PTRH1: variants seen among roughly 807,000 people sequenced by gnomAD.
PTRH1 encodes the protein peptidyl-tRNA hydrolase 1 homolog.
Under a neutral mutation model 15.7 loss-of-function variants are expected in PTRH1, and 13 were observed. The ratio of observed to expected loss-of-function variants is 0.83; its 90% confidence interval spans 0.54 to 1.31. The LOEUF is 1.31. Among genes scored for constraint, PTRH1 ranks in the 40% most tolerant of loss-of-function variants. The pLI is 0.00. For synonymous variants in PTRH1, 139 were observed against 136.7 expected (o/e 1.02, Z -0.12); for missense variants, 319 against 296.2 (o/e 1.08, Z -0.56).
chr9:127,714,431 G>C lies in PTRH1; in HGVS notation c.417-7C>G. On this transcript the variant is annotated splice_region_variant and splice_polypyrimidine_tract_variant and intron_variant, in intron 3 of 4. Transcript: ENST00000543175. ...ACGGACTCCATTGTGGCCCCTTCAA[G>C]GGATATGGGAGGGGCAGTTAGTGCC... 2 of 1,614,112 alleles carry C rather than the reference G, an allele frequency of 1.2e-6. No individual in the cohort carries two copies. Among genetic ancestry groups the C allele is most frequent in the African/African-American group, 1.3e-5 (1 of 75,046 alleles).
intron 1 of PTRH1, among the ~76,000 whole-genome samples, chr9:127,703,996 C>T (rs1383334015): frequency 1.3e-5 from 2 of 152,088 alleles, no homozygotes; most frequent in Non-Finnish European, 2.9e-5. Context: ...CCTTCCCCTC[C>T]CAGGGCGAAA....
At chr9:127,710,858 G>C, downstream of PTRH1, 1 of 1,311,436 alleles carries the variant, frequency 7.6e-7, no homozygotes. Flanking sequence ...GTTAGATGGG[G>C]AAACTGACCG....
chr9:127,701,922 A>C (rs1006534571), intron 1 of PTRH1, among the ~76,000 whole-genome samples: 6 of 151,682 alleles, frequency 4.0e-5, no homozygotes, highest in African/African-American at 1.5e-4. Context: ...CTCAAAAAAA[A>C]AAAAAATTGG....
In PTRH1 at chr9:127,715,278, G is replaced by A; in HGVS notation, c.97-84C>T. On this transcript the variant is annotated intron_variant, in intron 1 of 4. Coordinates refer to ENST00000543175, the MANE Select transcript of PTRH1 (RefSeq NM_001002913.3). This position sits in a 1 kb window ranked among gnomAD's most constrained non-coding sequence, Gnocchi z 5.8. ...GCGTCCCGTGGGCCCCAACGCAGAG[G>A]AGCGGAAACGCAGAGCAACGCTGCA... 7.0e-7 allele frequency: 1 copy of A among 1,437,638 alleles called. No homozygotes were observed. Among genetic ancestry groups the A allele is most frequent in the Non-Finnish European group, 9.5e-7 (1 of 1,057,080 alleles). 89.1% of individuals were successfully genotyped at this position (1,437,638 alleles called of 1,614,324 possible).
At chr9:127,704,071 T>G (rs1292205288) in intron 1 of PTRH1, among the ~76,000 whole-genome samples, 1 of 152,176 alleles carries the variant, frequency 6.6e-6, no homozygotes, top group Non-Finnish European at 1.5e-5. Context: ...GCCTAGAGCA[T>G]AACACCCCAG....
At chr9:127,695,489 C>T (rs978387666) in intron 1 of PTRH1, 1 of 224,368 alleles carries the variant, frequency 4.5e-6, no homozygotes, top group Non-Finnish European at 8.6e-6. Flanking sequence ...CTGCATCTGC[C>T]GCCCAGAAGG....
intron 2 of PTRH1, 78 bp downstream of exon 2, chr9:127,714,897 C>T (rs1238918479): frequency 1.9e-6 from 2 of 1,043,140 alleles, no homozygotes; most frequent in African/African-American, 3.2e-5. Context: ...CTGTCACAGC[C>T]AGTGCTCCCC....
intron 1 of PTRH1, among the ~76,000 whole-genome samples, chr9:127,700,350 C>T (rs1842594611): frequency 6.6e-6 from 1 of 152,198 alleles, no homozygotes; most frequent in Non-Finnish European, 1.5e-5. Context: ...AAGCCTAGCG[C>T]CTCCATGATG....
chr9:127,696,537 G>A (rs112158346), intron 1 of PTRH1, among the ~76,000 whole-genome samples: 8 of 152,208 alleles, frequency 5.3e-5, no homozygotes, highest in Admixed American at 2.0e-4. Flanking sequence ...AAACACAGCC[G>A]TCTGACTCCA....
At position 127,715,574 on chromosome 9, in the gene PTRH1, C is replaced by A. The variant is rs775613929; in HGVS notation, c.66G>T (p.Leu22Phe). 19 of 1,613,402 alleles carry A rather than the reference C, an allele frequency of 1.2e-5. No individual in the cohort carries two copies. The Admixed American group carries it at 3.2e-4, about 27-fold the overall frequency. The change falls in exon 1 of 5, where the codon TTG becomes TTT. Residue 22 changes from leucine (L) to phenylalanine (F), a missense_variant. Coordinates refer to ENST00000543175, the MANE Select transcript of PTRH1 (RefSeq NM_001002913.3). The surrounding 1 kb of genome is among the most constrained non-coding windows in gnomAD (Gnocchi z 5.8). The stretch of plus-strand genomic sequence containing the variant: ...ACCGCTTCCCCGGGGGGCGAGGCTC[C>A]AAAACACATCGGCTCATGGCTCTAC... Reference protein sequence around the residue: ...RLSRAMSRCVLEPRPPGKRWM... With the variant: ...RLSRAMSRCVFEPRPPGKRWM...
chr9:127,706,498 G>T (rs1842650320), intron 1 of PTRH1, among the ~76,000 whole-genome samples: 1 of 152,188 alleles, frequency 6.6e-6, no homozygotes, highest in Admixed American at 6.5e-5. Context: ...GGCTGGTGGG[G>T]AACACAGGCA....
chr9:127,711,573 G>A (rs1842765974), downstream of PTRH1: 2 of 1,528,440 alleles, frequency 1.3e-6, no homozygotes, highest in Non-Finnish European at 1.8e-6. Context: ...CAGGGGTAGA[G>A]TCAGGGGCAG....
chr9:127,704,783 T>C (rs1052690287), intron 1 of PTRH1, among the ~76,000 whole-genome samples: 6 of 151,360 alleles, frequency 4.0e-5, no homozygotes, highest in African/African-American at 1.5e-4. Context: ...TCAGACCAGA[T>C]GGCGTCGTGA....
chr9:127,713,415 G>C, downstream of PTRH1: 1 of 496,360 alleles, frequency 2.0e-6, no homozygotes, highest in Non-Finnish European at 3.5e-6. Flanking sequence ...GGGTTGGCTG[G>C]ACCCTGTTCT....
chr9:127,696,633 G>A (rs1842563122), intron 1 of PTRH1, among the ~76,000 whole-genome samples: 1 of 152,184 alleles, frequency 6.6e-6, no homozygotes, highest in Non-Finnish European at 1.5e-5. Flanking sequence ...GCCAAGGAGG[G>A]TGGATCACTT....
intron 1 of PTRH1, chr9:127,707,229 G>A: frequency 6.3e-7 from 1 of 1,597,762 alleles, no homozygotes; most frequent in Non-Finnish European, 8.5e-7. Flanking sequence ...GGTGCCCTGG[G>A]TCAGAAGCCC....
chr9:127,705,475 C>T lies in PTRH1; in HGVS notation c.205+9960G>A, dbSNP rs1415298246. Among the ~76,000 whole-genome samples, 1 of 152,226 alleles carries T rather than the reference C, an allele frequency of 6.6e-6. No homozygotes were observed. The highest frequency in any genetic ancestry group is 1.5e-5 in the Non-Finnish European group (1 of 68,044). ...TGCCACGTGGTGCTGACAAAGCCAT[C>T]CTGGTGCTGATGAAGGCGAGGAGGG... On this transcript the variant is annotated intron_variant, in intron 1 of 2. Transcript: ENST00000335223. This position sits in a 1 kb window ranked among gnomAD's most constrained non-coding sequence, Gnocchi z 4.7.
downstream of PTRH1, chr9:127,711,709 C>A (rs938376408): frequency 1.5e-6 from 2 of 1,296,224 alleles, no homozygotes; most frequent in Non-Finnish European, 2.1e-6. Context: ...CAGAGTCCAG[C>A]CCTGGAGAGC....
At chr9:127,709,403 G>C (rs768095573), downstream of PTRH1, 1 of 1,609,550 alleles carries the variant, frequency 6.2e-7, no homozygotes, top group Non-Finnish European at 8.5e-7. This position sits in a 1 kb window ranked among gnomAD's most constrained non-coding sequence, Gnocchi z 4.7. Context: ...CCTGGACCAC[G>C]GCTCTGCCCC....
Sources: gnomAD v4.1 joint callset for allele counts (sites outside exome capture counted in the v4.1 genomes callset) on GRCh38, gnomAD v4.1.1 for gene constraint, Gnocchi (gnomAD v3.1) non-coding constraint, MANE v1.5 for transcripts, NCBI Gene and HGNC (gene_info 2026-07-23, HGNC 2026-07-21) for gene names.